THRB: variants seen among roughly 807,000 people sequenced by gnomAD.
The protein encoded by THRB is nuclear receptor subfamily 1 group A member 2.
A neutral mutation model predicts 47.8 loss-of-function variants in THRB; 12 were observed. The ratio of observed to expected loss-of-function variants is 0.25; its 90% CI spans 0.16 to 0.41. The LOEUF (loss-of-function observed/expected upper bound fraction) is 0.41. Ranked by LOEUF, THRB falls within the 10% of genes least tolerant of loss-of-function variation. The pLI is 1.00. For missense variants in THRB, 348 were observed against 589.2 expected, an observed-to-expected ratio of 0.59 and a Z score of 4.24; for synonymous variants, 218 against 212.2, an observed-to-expected ratio of 1.03 and a Z score of -0.24.
chr3:24,495,611 A>G (rs1698900648), upstream of THRB: 1 of 152,258 alleles, frequency 6.6e-6, no homozygotes, highest in African/African-American at 2.4e-5. Flanking sequence ...TTTGGGCGTC[A>G]TTACTCTAGT....
intron 1 of THRB, among the ~76,000 whole-genome samples, chr3:24,360,549 A>G (rs372440202): frequency 7.0e-4 from 107 of 152,322 alleles, no homozygotes; most frequent in African/African-American, 2.5e-3. Context: ...TTACCGATAC[A>G]TAATTGTTCA....
intron 1 of THRB, among the ~76,000 whole-genome samples, chr3:24,360,250 A>T (rs1447149130): frequency 6.6e-6 from 1 of 152,168 alleles, no homozygotes; most frequent in African/African-American, 2.4e-5. Context: ...TTTTTAAGCC[A>T]AGAACACTGC....
intron 4 of THRB, among the ~76,000 whole-genome samples, chr3:24,218,433 T>A (rs1278235218): frequency 6.6e-6 from 1 of 150,688 alleles, no homozygotes; most frequent in Non-Finnish European, 1.5e-5. Flanking sequence ...AATTTGTATG[T>A]GACACTAGTG....
chr3:24,211,791 C>A (rs1444577693), intron 4 of THRB, among the ~76,000 whole-genome samples: 2 of 152,164 alleles, frequency 1.3e-5, no homozygotes, highest in Non-Finnish European at 2.9e-5. Flanking sequence ...GTTTTTCCGA[C>A]CCTCATCTAG....
rs569666033 is a variant in THRB at position 24,218,344 on chromosome 3, T to A, written c.22+10594A>T. On this transcript the variant is annotated intron_variant, in intron 4 of 10. Transcript: ENST00000646209. ...TTTTTGTCTCTCTCTCTCTCTCTCT[T>A]TTTTTTTTTTTTTTTTTTAAAAAGA... is the stretch of plus-strand genomic sequence containing the variant. Among the ~76,000 whole-genome samples, 805 of 108,210 alleles carry A rather than the reference T, an allele frequency of 7.4e-3. 2 individuals are homozygous for A. The highest frequency in any genetic ancestry group is 0.015 in the South Asian group (57 of 3,700). 71.0% of individuals were successfully genotyped at this position (108,210 alleles called of 152,430 possible). A position where few individuals can be genotyped will look rare whatever the true frequency, so the allele number is the denominator to read the frequency against.
At chr3:24,307,901 A>G (rs2057470398) in intron 2 of THRB, among the ~76,000 whole-genome samples, 1 of 152,158 alleles carries the variant, frequency 6.6e-6, no homozygotes, top group Admixed American at 6.6e-5. Context: ...GCCTGTTTCC[A>G]TAGTTCACTG....
chr3:24,426,924 C>G (rs2069827436), intron 1 of THRB, among the ~76,000 whole-genome samples: 1 of 151,930 alleles, frequency 6.6e-6, no homozygotes, highest in African/African-American at 2.4e-5. Context: ...AAAACACTGT[C>G]TAGAACAACA....
chr3:24,234,729 T>A (rs770629564), intron 3 of THRB, among the ~76,000 whole-genome samples: 26 of 152,178 alleles, frequency 1.7e-4, no homozygotes, highest in Non-Finnish European at 3.2e-4. Context: ...TAATTACACC[T>A]GTATGAGGGA....
intron 1 of THRB, among the ~76,000 whole-genome samples, chr3:24,473,694 G>A (rs1265390566): frequency 6.6e-6 from 1 of 152,128 alleles, no homozygotes. Flanking sequence ...CAACCCAAAT[G>A]CCCATTAATG....
intron 3 of THRB, among the ~76,000 whole-genome samples, chr3:24,270,917 C>T (rs115782733): frequency 0.015 from 2,213 of 152,254 alleles, 57 homozygotes; most frequent in African/African-American, 0.05. Flanking sequence ...TTTAGTGACC[C>T]CTGACAAGGT....
chr3:24,430,382 A>G (rs1332582346), intron 1 of THRB, among the ~76,000 whole-genome samples: 1 of 152,108 alleles, frequency 6.6e-6, no homozygotes, highest in East Asian at 1.9e-4. Context: ...GAACTCATAG[A>G]CTGCTCAGTA....
intron 1 of THRB, among the ~76,000 whole-genome samples, chr3:24,461,027 A>G (rs1272932620): frequency 6.6e-6 from 1 of 152,206 alleles, no homozygotes; most frequent in African/African-American, 2.4e-5. Context: ...AATTTAATTC[A>G]AAACTGTATA....
At chr3:24,492,288 A>G (rs1325861007) in intron 1 of THRB, among the ~76,000 whole-genome samples, 1 of 152,254 alleles carries the variant, frequency 6.6e-6, no homozygotes, top group African/African-American at 2.4e-5. Flanking sequence ...GCAAGGATAC[A>G]GGCGATCAAC....
Position 24,306,282 on chromosome 3 carries a change from G to A in THRB, c.-188-8911C>T, listed in dbSNP as rs1018067402. On this transcript the variant is annotated intron_variant, in intron 2 of 10. Transcript: ENST00000646209. Reference sequence around the variant, plus strand: ...AATCTAAATTTCCTGGCACATGCCAGGCCTGCGCTGGAAAGCTCAGATTTC... The same window carrying A: ...AATCTAAATTTCCTGGCACATGCCAAGCCTGCGCTGGAAAGCTCAGATTTC... 2.0e-5 allele frequency among the ~76,000 whole-genome samples: 3 copies of A among 152,188 alleles called. No homozygotes were observed. The East Asian group carries it at 5.8e-4, about 29-fold the overall frequency.
chr3:24,143,764 G>A, intron 7 of THRB, 58 bp from the exon 8 acceptor site: 7 of 1,577,042 alleles, frequency 4.4e-6, no homozygotes, highest in South Asian at 3.3e-5. Context: ...TACACAGCAA[G>A]CTGCACTTCC....
chr3:24,422,561 G>C lies in THRB; in HGVS notation c.-261+72091C>G, dbSNP rs142678148. ...ACTCTCCTCAATTTCCTCCTCAGATGAAAGCTTAGATTTCCATTTCTGGCA... is the reference window on the plus strand; with the variant it reads ...ACTCTCCTCAATTTCCTCCTCAGATCAAAGCTTAGATTTCCATTTCTGGCA... On this transcript the variant is annotated intron_variant, in intron 1 of 10. Transcript: ENST00000646209. Among the ~76,000 whole-genome samples the C allele has an allele frequency of 8.1e-3, 1,239 of 152,032 alleles. 6 individuals carry two copies. The highest frequency in any genetic ancestry group is 0.014 in the Middle Eastern group (4 of 294).
At position 24,402,495 on chromosome 3, in the gene THRB, C is replaced by G. The variant is rs1285701685; in HGVS notation, c.-260-65124G>C. Among the ~76,000 whole-genome samples the G allele has an allele frequency of 1.4e-4, 7 of 50,056 alleles. No individual in the cohort carries two copies. In the East Asian group the frequency reaches 2.5e-3, roughly 18 times the overall value. The allele number at this position is 50,056 out of a possible 152,430, so 32.8% of individuals were successfully genotyped here. ...TCAAAATATTCACCAACCCTTCTTT[C>G]TTCCTTTTTTTTTTTTTTTTGGTAA... is the stretch of plus-strand genomic sequence containing the variant. On this transcript the variant is annotated intron_variant, in intron 1 of 10. Coordinates refer to ENST00000646209, the MANE Select transcript of THRB (RefSeq NM_001354712.2).
At chr3:24,191,616 G>A (rs1368596967) in intron 4 of THRB, among the ~76,000 whole-genome samples, 2 of 152,140 alleles carry the variant, frequency 1.3e-5, no homozygotes, top group Non-Finnish European at 2.9e-5. Flanking sequence ...AATGCTTTAG[G>A]TTTTCATAAG....
At chr3:24,341,613 T>C (rs1381929966) in intron 1 of THRB, among the ~76,000 whole-genome samples, 1 of 152,178 alleles carries the variant, frequency 6.6e-6, no homozygotes, top group Non-Finnish European at 1.5e-5. Context: ...TCTACCCTTT[T>C]ATCATGTAAC....
Sources: gnomAD v4.1 joint callset for allele counts (sites outside exome capture counted in the v4.1 genomes callset) on GRCh38, gnomAD v4.1.1 for gene constraint, MANE v1.5 for transcripts, NCBI Gene and HGNC (gene_info 2026-07-23, HGNC 2026-07-21) for gene names.